Variants in PDGFRA observed in about 807,000 individuals in gnomAD.
PDGFRA encodes the protein platelet-derived growth factor receptor alpha.
A neutral mutation model predicts 121.5 loss-of-function variants in PDGFRA; 25 were observed. That is an observed-to-expected ratio of 0.21 (90% CI 0.15 to 0.29). PDGFRA has a LOEUF of 0.29. Ranked by LOEUF, PDGFRA falls within the 10% of genes least tolerant of loss-of-function variation. The probability of loss-of-function intolerance (pLI) is 1.00; values close to 1 mark genes in which losing one functional copy is unlikely to be tolerated. For synonymous variants in PDGFRA, 463 were observed against 494.8 expected (o/e 0.94, Z 0.85); for missense variants, 1,008 against 1,345.1 (o/e 0.75, Z 3.92).
rs756698646 is a variant in PDGFRA at position 54,272,538 on chromosome 4, GTCT to G, written c.1364+26_1364+28del. The G allele has an allele frequency of 4.4e-5, 71 of 1,612,094 alleles. No homozygotes were observed. In the African/African-American group the frequency reaches 7.2e-4, roughly 16 times the overall value. On this transcript the variant is annotated intron_variant, in intron 9 of 22. Coordinates refer to ENST00000257290, the MANE Select transcript of PDGFRA (RefSeq NM_006206.6). ...ATTAAGAAGTATGGAAAACAGATGT[GTCT>G]TCTTCTTTCGTGGTCAGAATATTTC...
chr4:54,236,708 C>G (rs865932067), intron 1 of PDGFRA, among the ~76,000 whole-genome samples: 12 of 151,920 alleles, frequency 7.9e-5, no homozygotes, highest in African/African-American at 2.7e-4. Context: ...GAGGCTGAGA[C>G]AGGAGAATCG....
chr4:54,269,121 A>C (rs1483317153), intron 7 of PDGFRA, among the ~76,000 whole-genome samples: 2 of 152,134 alleles, frequency 1.3e-5, no homozygotes, highest in Non-Finnish European at 2.9e-5. Context: ...GAGAACAAAC[A>C]GCAGAGGATA....
At chr4:54,264,156 C>T in intron 4 of PDGFRA, 1 of 578,376 alleles carries the variant, frequency 1.7e-6, no homozygotes, top group Non-Finnish European at 3.0e-6. Context: ...CATCAGTTGA[C>T]TTCAAAATAC....
chr4:54,230,542 G>T (rs2110161038), intron 1 of PDGFRA: 1 of 152,454 alleles, frequency 6.6e-6, no homozygotes, highest in Admixed American at 6.5e-5. Flanking sequence ...AAGGTCTCCA[G>T]GAAGGTGCCG....
intron 1 of PDGFRA, among the ~76,000 whole-genome samples, chr4:54,248,327 T>A (rs1229682960): frequency 6.6e-6 from 1 of 152,134 alleles, no homozygotes; most frequent in Non-Finnish European, 1.5e-5. Context: ...ACTACAAAGC[T>A]ACAGTAACCA....
At chr4:54,259,484 A>T (rs79853560) in intron 2 of PDGFRA, among the ~76,000 whole-genome samples, 2,277 of 152,270 alleles carry the variant, frequency 0.015, 43 homozygotes, top group African/African-American at 0.051. Context: ...CTCTTGGAAA[A>T]TCTTAAAAAC....
chr4:54,231,633 TG>T, intron 1 of PDGFRA, among the ~76,000 whole-genome samples: 1 of 152,346 alleles, frequency 6.6e-6, no homozygotes, highest in East Asian at 1.9e-4. Context: ...GAGGAGGCCC[TG>T]CCTCGACTCC....
chr4:54,289,961 G>A (rs1243393195), intron 21 of PDGFRA, among the ~76,000 whole-genome samples: 1 of 152,186 alleles, frequency 6.6e-6, no homozygotes, highest in Non-Finnish European at 1.5e-5. Flanking sequence ...GAAGGCTTTG[G>A]GTATTATCCA....
Position 54,263,829 on chromosome 4 carries a change from G to T in PDGFRA, c.530G>T (p.Gly177Val). The T allele has an allele frequency of 6.2e-7, 1 of 1,613,990 alleles. No individual in the cohort carries two copies. Among genetic ancestry groups the T allele is most frequent in the Non-Finnish European group, 8.5e-7 (1 of 1,179,950 alleles). ...VVPASYDSRQGFNGTFTVGPY... is the reference protein window; with the variant it reads ...VVPASYDSRQVFNGTFTVGPY... ...CCTGCCTCCTACGACAGCAGACAGGGCTTTAATGGGACCTTCACTGTAGGG... is the reference window on the plus strand; with the variant it reads ...CCTGCCTCCTACGACAGCAGACAGGTCTTTAATGGGACCTTCACTGTAGGG... Residue 177 changes from glycine (G) to valine (V), a missense_variant, in exon 4 of 23, where the codon GGC (glycine) becomes GTC (valine). Physicochemically the swap from Gly to Val is moderately radical, Grantham distance 109. Coordinates refer to ENST00000257290, the MANE Select transcript of PDGFRA (RefSeq NM_006206.6).
chr4:54,289,289 A>T (rs977511734), intron 21 of PDGFRA, among the ~76,000 whole-genome samples, 175 bp downstream of exon 21: 23 of 151,848 alleles, frequency 1.5e-4, no homozygotes, highest in Non-Finnish European at 3.1e-4. Context: ...GATGAATGAA[A>T]ACCCTCCCCT....
At position 54,274,821 on chromosome 4, in the gene PDGFRA, C is replaced by A. The variant is rs995101091; in HGVS notation, c.1654-20C>A. On this transcript the variant is annotated intron_variant, in intron 11 of 22. Transcript: ENST00000257290. ...TGGGACTTTGGTAATTCACCAGTTA[C>A]CTGTCCTGGTCATTTATAGAAACCG... 1 of 1,613,604 alleles carries A rather than the reference C, an allele frequency of 6.2e-7. No individual in the cohort carries two copies. The highest frequency in any genetic ancestry group is 8.5e-7 in the Non-Finnish European group (1 of 1,179,622).
intron 8 of PDGFRA, among the ~76,000 whole-genome samples, chr4:54,271,667 G>T (rs1321011212): frequency 8.5e-6 from 1 of 116,982 alleles, no homozygotes; most frequent in Admixed American, 1.1e-4. Flanking sequence ...TTCCTTCCTT[G>T]CTTCCTTCTT....
rs1164994425 is a variant in PDGFRA, at chr4:54,297,978, T to G, written c.*2706T>G. The G allele has an allele frequency of 2.2e-5, 5 of 231,800 alleles. No individual in the cohort carries two copies. In the Admixed American group the frequency reaches 2.3e-4, roughly 10 times the overall value. The allele number at this position is 231,800 out of a possible 1,614,324, so 14.4% of individuals were successfully genotyped here. The stretch of plus-strand genomic sequence containing the variant: ...ATTTATGACAAGCTGTATCACTGCC[T>G]TCGTTTATATTTTTTTAACTGTGAT... On this transcript the variant is annotated 3_prime_UTR_variant, in exon 23 of 23. Coordinates refer to ENST00000257290, the MANE Select transcript of PDGFRA (RefSeq NM_006206.6).
At chr4:54,276,677 G>A (rs1042913862) in intron 12 of PDGFRA, 2 of 152,600 alleles carry the variant, frequency 1.3e-5, no homozygotes, top group Non-Finnish European at 2.9e-5. Context: ...CGTGCAGTAA[G>A]AGGCAGTGTT....
intron 1 of PDGFRA, among the ~76,000 whole-genome samples, chr4:54,234,732 T>C (rs532282233): frequency 1.3e-5 from 2 of 152,320 alleles, no homozygotes; most frequent in Admixed American, 1.3e-4. Flanking sequence ...TTCCCGTTTC[T>C]GAGTGAGGAG....
At chr4:54,250,411 T>A (rs1721988680) in intron 1 of PDGFRA, among the ~76,000 whole-genome samples, 2 of 152,244 alleles carry the variant, frequency 1.3e-5, no homozygotes, top group Non-Finnish European at 2.9e-5. Context: ...CATATTTGGC[T>A]TATTAGATAT....
At chr4:54,233,944 G>A (rs1720859277) in intron 1 of PDGFRA, among the ~76,000 whole-genome samples, 1 of 152,240 alleles carries the variant, frequency 6.6e-6, no homozygotes, top group Admixed American at 6.5e-5. Context: ...GGCGGCGGTG[G>A]CGCGCGGACA....
chr4:54,262,165 A>C (rs1577707346), intron 3 of PDGFRA, among the ~76,000 whole-genome samples: 1 of 151,902 alleles, frequency 6.6e-6, no homozygotes, highest in South Asian at 2.1e-4. Flanking sequence ...CCTGACCTTA[A>C]GTGATCTGCC....
At chr4:54,262,981 G>A (rs1375572786) in intron 3 of PDGFRA, among the ~76,000 whole-genome samples, 1 of 152,180 alleles carries the variant, frequency 6.6e-6, no homozygotes, top group African/African-American at 2.4e-5. Context: ...CCTTTCTGCA[G>A]CTGATGTTTG....
Sources: allele counts gnomAD v4.1 joint callset (sites outside exome capture counted in the v4.1 genomes callset), GRCh38; gene constraint gnomAD v4.1.1; transcripts MANE v1.5; gene names NCBI Gene and HGNC (gene_info 2026-07-23, HGNC 2026-07-21).